The following ADGRF1 variants were observed in gnomAD, a reference collection of about 807,000 sequenced individuals.
The protein encoded by ADGRF1 is G protein-coupled receptor 110.
A neutral mutation model predicts 87.2 loss-of-function variants in ADGRF1; 85 were observed. That is an observed-to-expected ratio of 0.97 (90% CI 0.82 to 1.17). The LOEUF is 1.17. Among genes scored for constraint, ADGRF1 ranks in the 50% most tolerant of loss-of-function variants. The pLI is 0.00. For missense variants in ADGRF1, 1,169 were observed against 1,077.2 expected (o/e 1.09, Z -1.19); for synonymous variants, 430 against 408.8 (o/e 1.05, Z -0.63).
Position 47,009,242 on chromosome 6 carries a change from A to C in ADGRF1, c.2193T>G (p.Asp731Glu), listed in dbSNP as rs1230524356. The change falls in exon 11 of 15, where the codon GAT (aspartate) becomes GAG (glutamate). Residue 731 changes from aspartate to glutamate, a missense_variant. By Grantham distance (45) the Asp-to-Glu change is conservative. Transcript: ENST00000371253. Reference protein sequence around the residue: ...TQPSNTYKRKDVCWLNWSNGS... With the variant: ...TQPSNTYKRKEVCWLNWSNGS... ...CATTGGACCAGTTAAGCCAACACAC[A>C]TCTTTCCTTTTGTAGGTATTGCTAG... The C allele has an allele frequency of 3.1e-6, 5 of 1,614,074 alleles. No individual in the cohort carries two copies. In the South Asian group the frequency reaches 5.5e-5, roughly 18 times the overall value.
At position 47,014,114 on chromosome 6, in the gene ADGRF1, C is replaced by G. The variant is rs372523458; in HGVS notation, c.927+567G>C. On this transcript the variant is annotated intron_variant, in intron 9 of 14. Coordinates refer to ENST00000371253, the MANE Select transcript of ADGRF1 (RefSeq NM_153840.4). ...CTGGACTAGGAATCAAGTGACCATG[C>G]TTCTAATTCAAAACTATTGCTACCA... 6.5e-4 allele frequency: 161 copies of G among 246,652 alleles called. 2 individuals carry two copies. The South Asian group carries it at 0.012, about 18-fold the overall frequency. 15.3% of individuals were successfully genotyped at this position (246,652 alleles called of 1,614,324 possible).
At position 47,016,630 on chromosome 6, in the gene ADGRF1, T is replaced by C. The variant is rs1274024202; in HGVS notation, c.750A>G (p.Arg250=). Residue 250 remains arginine (R), a synonymous_variant, in exon 8 of 15, where the codon AGA becomes AGG. Transcript: ENST00000371253. The stretch of plus-strand genomic sequence containing the variant: ...ATCCAGCATTACCTTTTCCGAACAC[T>C]CTGAAAGAGCCGTCTTCTAATGGAA... ...KLFPLEDGSF[R]VFGKAQCNDI... 8.1e-6 allele frequency: 13 copies of C among 1,607,910 alleles called. No homozygotes were observed. The highest frequency in any genetic ancestry group is 1.3e-5 in the African/African-American group (1 of 74,794).
chr6:47,020,862 G>C, intron 6 of ADGRF1, 73 bp from the exon 7 acceptor site: 2 of 1,138,120 alleles, frequency 1.8e-6, no homozygotes, highest in Non-Finnish European at 2.6e-6. Context: ...AGCAAAAATT[G>C]ATACAGACAA....
Position 47,009,702 on chromosome 6 carries a change from G to C in ADGRF1, c.1733C>G (p.Pro578Arg), listed in dbSNP as rs749089017. ...SFSILMSPFV[P>R]STIFPVVKWI... is the part of the protein sequence containing the mutation. ...TTTTACAACGGGGAAGATTGTAGAG[G>C]GGACAAAAGGTGACATCAATATGGA... The change falls in exon 11 of 15, where the codon CCC becomes CGC. Residue 578 changes from proline to arginine, a missense_variant. Coordinates refer to ENST00000371253, the MANE Select transcript of ADGRF1 (RefSeq NM_153840.4). 6.2e-7 allele frequency: 1 copy of C among 1,614,120 alleles called. No individual in the cohort carries two copies. The highest frequency in any genetic ancestry group is 8.5e-7 in the Non-Finnish European group (1 of 1,180,028).
chr6:47,003,011 G>C (rs532228898), intron 13 of ADGRF1, among the ~76,000 whole-genome samples: 1 of 152,202 alleles, frequency 6.6e-6, no homozygotes, highest in East Asian at 1.9e-4. Context: ...AACAAAAAAA[G>C]TATCAAGGTT....
chr6:47,015,899 G>T (rs1465958096), intron 8 of ADGRF1, among the ~76,000 whole-genome samples: 1 of 151,816 alleles, frequency 6.6e-6, no homozygotes, highest in African/African-American at 2.4e-5. Context: ...CACTGGGCCT[G>T]GCTAATTTTT....
intron 1 of ADGRF1, 67 bp from the exon 2 acceptor site, chr6:47,029,171 A>G: frequency 1.1e-6 from 1 of 877,096 alleles, no homozygotes; most frequent in Non-Finnish European, 1.9e-6. Context: ...AAATGTAAAA[A>G]TGCACAAAGT....
chr6:47,010,290 A>C lies in ADGRF1; in HGVS notation c.1145T>G (p.Leu382Arg). ...EDVISIADNILNSASVTNWTV... is the reference protein window; with the variant it reads ...EDVISIADNIRNSASVTNWTV... ...CCAGTTGGTTACTGAGGCTGAATTA[A>C]GGATATTGTCAGCTATACTGATGAC... Residue 382 changes from leucine to arginine, a missense_variant, in exon 11 of 15, where the codon CTT (leucine) becomes CGT (arginine). Leu to Arg is a moderately radical substitution (Grantham distance 102, BLOSUM62 -2). Transcript: ENST00000371253. The C allele has an allele frequency of 1.9e-6, 3 of 1,612,162 alleles. No homozygotes were observed. The highest frequency in any genetic ancestry group is 2.5e-6 in the Non-Finnish European group (3 of 1,179,118).
intron 9 of ADGRF1, chr6:47,013,541 G>A (rs1418653068): frequency 1.0e-6 from 1 of 985,404 alleles, no homozygotes; most frequent in Non-Finnish European, 1.2e-6. Context: ...ACTGGTCTTG[G>A]GGTCCTTCTT....
chr6:47,005,946 G>T lies in ADGRF1; in HGVS notation c.2533-70C>A, dbSNP rs191956214. ...ATACACAGACAAATCAAGAACAACT[G>T]CAGGTTGAAATGGTTATTTAATAGT... On this transcript the variant is annotated intron_variant, in intron 12 of 14. Transcript: ENST00000371253. 955 of 979,204 alleles carry T rather than the reference G, an allele frequency of 9.8e-4. 5 individuals are homozygous for T. In the African/African-American group the frequency reaches 0.014, roughly 14 times the overall value. The allele number at this position is 979,204 out of a possible 1,614,324, so 60.7% of individuals were successfully genotyped here.
At chr6:47,011,812 C>T (rs1419894855) in intron 10 of ADGRF1, among the ~76,000 whole-genome samples, 195 bp downstream of exon 10, 1 of 152,224 alleles carries the variant, frequency 6.6e-6, no homozygotes, top group Non-Finnish European at 1.5e-5. Flanking sequence ...TGCATAAGAG[C>T]AGCTCTGTCT....
intron 1 of ADGRF1, among the ~76,000 whole-genome samples, chr6:47,030,916 C>A (rs1452593102): frequency 6.6e-6 from 1 of 152,038 alleles, no homozygotes; most frequent in Non-Finnish European, 1.5e-5. Flanking sequence ...GCGTGCATCA[C>A]AACGCCTGGC....
At chr6:47,031,363 CT>C (rs879337629) in intron 1 of ADGRF1, among the ~76,000 whole-genome samples, 249 of 147,716 alleles carry the variant, frequency 1.7e-3, no homozygotes, top group Non-Finnish European at 2.9e-3. Flanking sequence ...CTCTCTCTCT[CT>C]CTCTCTCTCT....
chr6:47,025,180 A>G (rs1055542077), intron 4 of ADGRF1, among the ~76,000 whole-genome samples: 2 of 152,194 alleles, frequency 1.3e-5, no homozygotes, highest in Admixed American at 6.5e-5. Flanking sequence ...GAACCAGGGC[A>G]AAGTCACCAG....
chr6:47,018,257 G>T, intron 7 of ADGRF1: 1 of 590,766 alleles, frequency 1.7e-6, no homozygotes, highest in Non-Finnish European at 2.5e-6. Context: ...AAGCACATGA[G>T]ATCAATACAT....
chr6:47,040,210 A>G (rs1275461589), intron 1 of ADGRF1, among the ~76,000 whole-genome samples: 1 of 152,176 alleles, frequency 6.6e-6, no homozygotes, highest in Non-Finnish European at 1.5e-5. Context: ...CACGCCTGTA[A>G]TCCCAGCACT....
chr6:47,014,993 A>T, intron 8 of ADGRF1, 149 bp from the exon 9 acceptor site: 1 of 1,159,030 alleles, frequency 8.6e-7, no homozygotes, highest in South Asian at 1.7e-5. Flanking sequence ...TTTGTCTTTG[A>T]TGTCCTGCTT....
chr6:47,010,928 T>A (rs1024680304), intron 10 of ADGRF1, among the ~76,000 whole-genome samples: 1 of 152,192 alleles, frequency 6.6e-6, no homozygotes, highest in African/African-American at 2.4e-5. Flanking sequence ...TCCTTGGAAG[T>A]TGTTACTTCT....
chr6:47,036,458 C>T (rs1005800308), intron 1 of ADGRF1, among the ~76,000 whole-genome samples: 3 of 152,088 alleles, frequency 2.0e-5, no homozygotes, highest in African/African-American at 7.2e-5. Context: ...TCCTCAGTGT[C>T]GAAGGAGAGT....
Sources: allele counts gnomAD v4.1 joint callset (sites outside exome capture counted in the v4.1 genomes callset), GRCh38; gene constraint gnomAD v4.1.1; transcripts MANE v1.5; gene names NCBI Gene and HGNC (gene_info 2026-07-23, HGNC 2026-07-21).